DNAH9: variants seen among roughly 807,000 people sequenced by gnomAD.
DNAH9 encodes DNAH9 variant protein.
DNAH9 carries 345 observed loss-of-function variants against 471.6 expected under a neutral mutation model. That is an observed-to-expected ratio of 0.73 (90% CI 0.67 to 0.80). DNAH9 has a LOEUF of 0.80. DNAH9 is among the 30% of genes least tolerant of loss of function. The probability of loss-of-function intolerance (pLI) is 0.00; values close to 1 mark genes in which losing one functional copy is unlikely to be tolerated. For missense variants in DNAH9, 5,407 were observed against 5,609.2 expected (o/e 0.96, Z 1.15); for synonymous variants, 2,093 against 2,123.6 (o/e 0.99, Z 0.40).
rs766777231 is a variant in DNAH9 at position 11,758,438 on chromosome 17, G to A, written c.6995+746G>A. The stretch of plus-strand genomic sequence containing the variant: ...TCTGACACCCATCCCTGTAGTGGAG[G>A]CAAGAATGGGCCCCTGAGGCTGGTG... On this transcript the variant is annotated intron_variant, in intron 35 of 68. Transcript: ENST00000262442. Among the ~76,000 whole-genome samples the A allele has an allele frequency of 5.2e-4, 79 of 152,270 alleles. 1 individual carries two copies. The highest frequency in any genetic ancestry group is 1.0e-3 in the Non-Finnish European group (68 of 68,028).
chr17:11,748,908 A>G lies in DNAH9; in HGVS notation c.6610+1142A>G, dbSNP rs532204360. ...ACTCTCTGGATTTCTCTAATTTAGG[A>G]GCTTTCATCTGAGGTCTAGAACACA... On this transcript the variant is annotated intron_variant, in intron 32 of 68. Transcript: ENST00000262442. Among the ~76,000 whole-genome samples the G allele has an allele frequency of 4.6e-5, 7 of 152,122 alleles. No homozygotes were observed. In the East Asian group the frequency reaches 1.4e-3, roughly 29 times the overall value.
chr17:11,781,778 G>C (rs921368228), intron 39 of DNAH9, among the ~76,000 whole-genome samples: 1 of 149,508 alleles, frequency 6.7e-6, no homozygotes, highest in Non-Finnish European at 1.5e-5. Context: ...ATTGCAGTGA[G>C]CTGAGATCAT....
At chr17:11,774,603 G>A (rs878910484) in intron 38 of DNAH9, among the ~76,000 whole-genome samples, 2 of 152,072 alleles carry the variant, frequency 1.3e-5, no homozygotes, top group African/African-American at 4.8e-5. Context: ...CAGGAAACCC[G>A]TCCTCATGAT....
chr17:11,748,736 G>C (rs12944473), intron 32 of DNAH9, among the ~76,000 whole-genome samples: 2 of 152,126 alleles, frequency 1.3e-5, no homozygotes, highest in Non-Finnish European at 2.9e-5. Context: ...TTTGGCACTG[G>C]AGGACAGCAG....
chr17:11,802,255 C>G (rs1050818026), intron 43 of DNAH9, among the ~76,000 whole-genome samples: 1 of 152,044 alleles, frequency 6.6e-6, no homozygotes, highest in Admixed American at 6.6e-5. Context: ...ACACAGATAA[C>G]CTAAGAGTGT....
intron 49 of DNAH9, among the ~76,000 whole-genome samples, chr17:11,847,168 C>G (rs927550551): frequency 6.6e-6 from 1 of 152,108 alleles, no homozygotes; most frequent in Non-Finnish European, 1.5e-5. Flanking sequence ...TCTCTGTTCA[C>G]CCTGTTGATA....
At chr17:11,749,790 T>C (rs886869547) in intron 32 of DNAH9, among the ~76,000 whole-genome samples, 5 of 152,136 alleles carry the variant, frequency 3.3e-5, no homozygotes, top group Admixed American at 6.5e-5. Context: ...TGCATATGTA[T>C]ATTGAGATCT....
At chr17:11,642,703 G>C (rs957317562) in intron 10 of DNAH9, among the ~76,000 whole-genome samples, 1 of 152,342 alleles carries the variant, frequency 6.6e-6, no homozygotes, top group Admixed American at 6.5e-5. Flanking sequence ...ACGCCCACGT[G>C]AGAAGCCTCA....
chr17:11,850,828 C>G lies in DNAH9; in HGVS notation c.9508-3175C>G, dbSNP rs369473217. On this transcript the variant is annotated intron_variant, in intron 49 of 68. Transcript: ENST00000262442. ...TAAAAAGTCTCTTTCCCTTCTCTTT[C>G]CATCCAATCACTCAACACATATTTT... 2.0e-3 allele frequency among the ~76,000 whole-genome samples: 302 copies of G among 152,238 alleles called. 1 individual carries two copies. Among genetic ancestry groups the G allele is most frequent in the African/African-American group, 7.1e-3 (293 of 41,550 alleles).
intron 33 of DNAH9, among the ~76,000 whole-genome samples, chr17:11,754,932 G>A (rs1967310918): frequency 6.6e-6 from 1 of 152,180 alleles, no homozygotes. Context: ...TATTGCCTAG[G>A]TTGTCTTCCA....
chr17:11,893,178 CA>C (rs58420771), intron 58 of DNAH9, among the ~76,000 whole-genome samples: 1,343 of 95,182 alleles, frequency 0.014, 27 homozygotes, highest in African/African-American at 0.049. Context: ...TTGGCCTTTG[CA>C]AAAAAAAAAA....
intron 41 of DNAH9, among the ~76,000 whole-genome samples, chr17:11,784,766 C>T (rs537297019): frequency 2.6e-4 from 39 of 152,222 alleles, no homozygotes; most frequent in Non-Finnish European, 1.3e-4. Flanking sequence ...CGGTAAGCAG[C>T]ATGCATCTCT....
At chr17:11,607,961 T>A (rs774454153) in intron 1 of DNAH9, among the ~76,000 whole-genome samples, 168 bp from the exon 2 acceptor site, 32 of 152,226 alleles carry the variant, frequency 2.1e-4, no homozygotes, top group Non-Finnish European at 4.1e-4. Context: ...TTCCCCAATT[T>A]ACCAGATGTC....
At chr17:11,904,271 G>A (rs913927852) in intron 60 of DNAH9, among the ~76,000 whole-genome samples, 1 of 152,156 alleles carries the variant, frequency 6.6e-6, no homozygotes, top group African/African-American at 2.4e-5. Context: ...AAGGGGAACA[G>A]ATGACATTGA....
At position 11,960,435 on chromosome 17, in the gene DNAH9, T is replaced by TAAAAAAAAAAAAA. The variant is rs3074845; in HGVS notation, c.12844-1417_12844-1405dup. On this transcript the variant is annotated intron_variant, in intron 67 of 68. Transcript: ENST00000262442. ...TGGGTGACAGAGCAAGACTCTGTCT[T>TAAAAAAAAAAAAA]AAAAAAAAAAAAAAAAAAAAAAAAA... Among the ~76,000 whole-genome samples the TAAAAAAAAAAAAA allele has an allele frequency of 5.0e-3, 272 of 54,020 alleles. 4 individuals are homozygous for TAAAAAAAAAAAAA. Among genetic ancestry groups the TAAAAAAAAAAAAA allele is most frequent in the Non-Finnish European group, 6.4e-3 (196 of 30,406 alleles). The allele number at this position is 54,020 out of a possible 152,430, so 35.4% of individuals were successfully genotyped here.
chr17:11,788,326 CT>C (rs1162094835), intron 41 of DNAH9, among the ~76,000 whole-genome samples: 17 of 152,148 alleles, frequency 1.1e-4, no homozygotes, highest in African/African-American at 4.1e-4. Context: ...AAGGGAATTT[CT>C]TTTTGCTTTT....
rs1434174683 is a variant in DNAH9, at chr17:11,651,232, T to C, written c.2261T>C (p.Leu754Pro). ...NWYNKVMKTL[L>P]EVEFPLVEEE... is the part of the protein sequence containing the mutation. ...TACAACAAGGTTATGAAAACTCTGC[T>C]GGAGGTGGAATTTCCATTAGTGGAG... is the stretch of plus-strand genomic sequence containing the variant. Residue 754 changes from leucine to proline, a missense_variant, in exon 13 of 69, where the codon CTG (leucine) becomes CCG (proline). By Grantham distance (98) the Leu-to-Pro change is moderately conservative. Transcript: ENST00000262442. 4 of 1,614,118 alleles carry C rather than the reference T, an allele frequency of 2.5e-6. No homozygotes were observed. In the South Asian group the frequency reaches 4.4e-5, roughly 18 times the overall value.
In DNAH9 at chr17:11,854,326, G is replaced by A. The variant is rs879020769; in HGVS notation, c.9831G>A (p.Glu3277=). 1 of 1,613,990 alleles carries A rather than the reference G, an allele frequency of 6.2e-7. No homozygotes were observed. The highest frequency in any genetic ancestry group is 1.1e-5 in the South Asian group (1 of 91,082). Residue 3277 remains glutamate (E), a synonymous_variant, in exon 50 of 69, where the codon GAG becomes GAA. Transcript: ENST00000262442. ...TCATCAATATTGTGAGATTTTATGA[G>A]GTGTTCTGTGATGTGGAACCCAAGC... The part of the protein sequence containing the change: ...SWVINIVRFY[E]VFCDVEPKRQ...
chr17:11,636,632 A>T lies in DNAH9; in HGVS notation c.1636-2A>T, dbSNP rs752125479. On this transcript the variant is annotated splice_acceptor_variant, in intron 8 of 68. Transcript: ENST00000262442. LOFTEE classifies it high-confidence loss of function. ...CCTCTTTTTCCTCCACCTTCCCTAC[A>T]GCTGCTAGACATAGCAGGAAACCTC... 1 of 1,612,506 alleles carries T rather than the reference A, an allele frequency of 6.2e-7. No individual in the cohort carries two copies. Among genetic ancestry groups the T allele is most frequent in the Non-Finnish European group, 8.5e-7 (1 of 1,178,796 alleles).
Sources: allele counts gnomAD v4.1 joint callset (sites outside exome capture counted in the v4.1 genomes callset), GRCh38; gene constraint gnomAD v4.1.1; transcripts MANE v1.5; gene names NCBI Gene and HGNC (gene_info 2026-07-23, HGNC 2026-07-21).